ROBO2: variants seen among roughly 807,000 people sequenced by gnomAD.
The protein encoded by ROBO2 is roundabout guidance receptor 2, also known as roundabout homolog 2.
In ROBO2, 53 loss-of-function variants were observed where a neutral mutation model predicts 160.8. The observed-to-expected ratio is 0.33, with a 90% CI of 0.26 to 0.41. The LOEUF (loss-of-function observed/expected upper bound fraction) is 0.41, where lower values mean the gene tolerates loss of function less well. ROBO2 is among the 10% of genes least tolerant of loss of function. The pLI, the probability that ROBO2 is intolerant of heterozygous loss-of-function variation, is 1.00. For synonymous variants in ROBO2, 664 were observed against 611.7 expected (o/e 1.09, Z -1.26); for missense variants, 1,577 against 1,722.4 (o/e 0.92, Z 1.49).
intron 2 of ROBO2, among the ~76,000 whole-genome samples, chr3:76,711,304 AC>A (rs2093288596): frequency 6.6e-6 from 1 of 152,148 alleles, no homozygotes; most frequent in Non-Finnish European, 1.5e-5. Context: ...GAAGTGTCGC[AC>A]ACTTTTAAAC....
chr3:77,381,019 T>C (rs2073383850), intron 2 of ROBO2, among the ~76,000 whole-genome samples: 1 of 152,016 alleles, frequency 6.6e-6, no homozygotes, highest in African/African-American at 2.4e-5. Context: ...TTTAGAATAA[T>C]CAGGACAGCA....
At chr3:76,062,123 A>G (rs1034019051) in intron 2 of ROBO2, among the ~76,000 whole-genome samples, 2 of 152,160 alleles carry the variant, frequency 1.3e-5, no homozygotes, top group Non-Finnish European at 2.9e-5. Flanking sequence ...ACACATTCAC[A>G]GGTTTACAGA....
chr3:76,592,740 C>T (rs1474258551), intron 2 of ROBO2, among the ~76,000 whole-genome samples: 2 of 152,084 alleles, frequency 1.3e-5, no homozygotes, highest in South Asian at 4.1e-4. Flanking sequence ...AGTTTCTACT[C>T]GGGGTGTTCA....
intron 12 of ROBO2, among the ~76,000 whole-genome samples, chr3:77,567,916 A>G (rs1306664540): frequency 6.6e-6 from 1 of 152,022 alleles, no homozygotes; most frequent in Non-Finnish European, 1.5e-5. Context: ...CAATTTACAC[A>G]TCCAGAAAAT....
chr3:77,352,571 C>T (rs2068505693), intron 2 of ROBO2, among the ~76,000 whole-genome samples: 1 of 132,970 alleles, frequency 7.5e-6, no homozygotes, highest in African/African-American at 2.8e-5. Flanking sequence ...GAAATTAGAA[C>T]ATGATTTTTT....
chr3:76,726,394 C>T (rs565934162), intron 2 of ROBO2, among the ~76,000 whole-genome samples: 35 of 152,236 alleles, frequency 2.3e-4, no homozygotes, highest in Admixed American at 7.9e-4. Context: ...TTTGCCCTCC[C>T]GCAACTTGCT....
chr3:76,973,869 A>G (rs1381482060), intron 2 of ROBO2, among the ~76,000 whole-genome samples: 4 of 152,156 alleles, frequency 2.6e-5, no homozygotes, highest in Non-Finnish European at 5.9e-5. Flanking sequence ...TGGGGCTTTG[A>G]CTACATCTGA....
exon 10 of ROBO2, chr3:77,562,674 T>C: frequency 1.2e-6 from 2 of 1,612,854 alleles, no homozygotes; most frequent in Non-Finnish European, 1.7e-6. Context: ...GCACTTATAC[T>C]TGTGTGGCTA....
chr3:77,468,370 T>C (rs1241818150), intron 2 of ROBO2, among the ~76,000 whole-genome samples: 1 of 152,204 alleles, frequency 6.6e-6, no homozygotes, highest in Non-Finnish European at 1.5e-5. Flanking sequence ...GTGCCACATG[T>C]GATCCAAGAG....
chr3:76,351,183 T>C (rs887665072), intron 2 of ROBO2, among the ~76,000 whole-genome samples: 1 of 151,952 alleles, frequency 6.6e-6, no homozygotes, highest in Non-Finnish European at 1.5e-5. Context: ...AAGTTTATCA[T>C]TATGCCAACA....
chr3:76,520,733 A>T (rs72902513), intron 2 of ROBO2, among the ~76,000 whole-genome samples: 6,357 of 152,320 alleles, frequency 0.042, 468 homozygotes, highest in African/African-American at 0.14. Flanking sequence ...AATAATGTCA[A>T]GAAACCTCTA....
At chr3:76,288,411 CA>C (rs2107693541) in intron 2 of ROBO2, among the ~76,000 whole-genome samples, 1 of 151,878 alleles carries the variant, frequency 6.6e-6, no homozygotes, top group African/African-American at 2.4e-5. Flanking sequence ...CTAAAATACC[CA>C]TTTTTTTAAT....
At chr3:76,396,731 A>C (rs2077475400) in intron 2 of ROBO2, among the ~76,000 whole-genome samples, 1 of 152,194 alleles carries the variant, frequency 6.6e-6, no homozygotes, top group Non-Finnish European at 1.5e-5. Context: ...CAATTGCTTC[A>C]AAGAGAATAA....
chr3:77,040,502 A>C, exon 1 of ROBO2: 2 of 1,320,450 alleles, frequency 1.5e-6, no homozygotes, highest in East Asian at 6.8e-5. Flanking sequence ...ACACTCGAAT[A>C]ATCCCTCTGG....
chr3:76,671,216 A>T (rs1392974178), intron 2 of ROBO2, among the ~76,000 whole-genome samples: 1 of 151,430 alleles, frequency 6.6e-6, no homozygotes, highest in East Asian at 1.9e-4. Flanking sequence ...AGGTAACCTG[A>T]AAAGTCAATG....
chr3:77,146,727 G>A (rs1401749593), intron 2 of ROBO2, among the ~76,000 whole-genome samples: 1 of 152,154 alleles, frequency 6.6e-6, no homozygotes. Context: ...CAGCACTTTG[G>A]GAGGCCGAGG....
intron 2 of ROBO2, among the ~76,000 whole-genome samples, chr3:76,362,395 C>G (rs2075573552): frequency 6.6e-6 from 1 of 151,840 alleles, no homozygotes; most frequent in South Asian, 2.1e-4. Flanking sequence ...TTATAGACAC[C>G]TGATTTTATT....
chr3:76,176,707 C>T (rs2073246778), intron 2 of ROBO2, among the ~76,000 whole-genome samples: 1 of 151,796 alleles, frequency 6.6e-6, no homozygotes, highest in Middle Eastern at 3.4e-3. Flanking sequence ...GCATTTTTTC[C>T]TCATTTTCTT....
chr3:77,177,530 A>G (rs969221945), intron 2 of ROBO2, among the ~76,000 whole-genome samples: 5 of 151,986 alleles, frequency 3.3e-5, no homozygotes, highest in African/African-American at 1.2e-4. Context: ...ATCTAATGTA[A>G]TATAAATGCT....
Sources: allele counts gnomAD v4.1 joint callset (sites outside exome capture counted in the v4.1 genomes callset), GRCh38; gene constraint gnomAD v4.1.1; transcripts MANE v1.5; gene names NCBI Gene and HGNC (gene_info 2026-07-23, HGNC 2026-07-21).